The following RGS7 variants were observed in gnomAD, a reference collection of about 807,000 sequenced individuals.
RGS7 encodes regulator of G protein signaling 7, also known as regulator of G-protein signaling 7.
A neutral mutation model predicts 81.1 loss-of-function variants in RGS7; 27 were observed. That is an observed-to-expected ratio of 0.33 (90% CI 0.25 to 0.46). RGS7 has a LOEUF of 0.46. Among genes scored for constraint, RGS7 ranks in the 20% least tolerant of loss-of-function variants. RGS7 has a pLI of 1.00. For synonymous variants in RGS7, 208 were observed against 207.7 expected (o/e 1.00, Z -0.01); for missense variants, 396 against 607.4 (o/e 0.65, Z 3.66).
At chr1:240,960,232 T>TTTTTTTTG (rs71172665) in intron 4 of RGS7, among the ~76,000 whole-genome samples, 6 of 70,234 alleles carry the variant, frequency 8.5e-5, no homozygotes, top group African/African-American at 2.2e-4. Context: ...TTTTTTTTTT[T>TTTTTTTTG]TTGTTGTTGT....
intron 3 of RGS7, among the ~76,000 whole-genome samples, chr1:241,044,103 G>T (rs1413352622): frequency 6.1e-4 from 86 of 140,876 alleles, no homozygotes; most frequent in African/African-American, 9.3e-4. Context: ...CTTTCTTTTT[G>T]TTTTTTTTGT....
chr1:240,934,481 TG>T (rs1254916871), intron 5 of RGS7, among the ~76,000 whole-genome samples: 1 of 152,212 alleles, frequency 6.6e-6, no homozygotes, highest in Non-Finnish European at 1.5e-5. Context: ...TCTTCAAATA[TG>T]GACTGGTTAA....
chr1:241,301,577 G>A (rs190517662), intron 2 of RGS7, among the ~76,000 whole-genome samples: 1 of 152,320 alleles, frequency 6.6e-6, no homozygotes, highest in African/African-American at 2.4e-5. Flanking sequence ...TGGGGAAATG[G>A]AGTGAGAGAC....
At chr1:241,327,219 T>C (rs2081655998) in intron 2 of RGS7, among the ~76,000 whole-genome samples, 1 of 151,952 alleles carries the variant, frequency 6.6e-6, no homozygotes, top group African/African-American at 2.4e-5. Context: ...GAAATTAGAA[T>C]ACCTGCCATG....
At chr1:241,170,028 C>T (rs888137182) in intron 2 of RGS7, among the ~76,000 whole-genome samples, 3 of 151,818 alleles carry the variant, frequency 2.0e-5, no homozygotes, top group East Asian at 3.9e-4. Flanking sequence ...GGATAGCTAC[C>T]CTGGGCTCCC....
intron 2 of RGS7, among the ~76,000 whole-genome samples, chr1:241,133,964 C>A (rs1277425815): frequency 6.6e-6 from 1 of 152,032 alleles, no homozygotes; most frequent in African/African-American, 2.4e-5. Context: ...GAAAGGGAGA[C>A]AGAGAATGAA....
chr1:241,317,212 T>C (rs1193744415), intron 2 of RGS7, among the ~76,000 whole-genome samples: 1 of 152,212 alleles, frequency 6.6e-6, no homozygotes, highest in East Asian at 1.9e-4. Flanking sequence ...CACAGATAAT[T>C]GTAAATGGAG....
chr1:241,154,548 G>T (rs2068977824), intron 2 of RGS7, among the ~76,000 whole-genome samples: 1 of 152,258 alleles, frequency 6.6e-6, no homozygotes, highest in Non-Finnish European at 1.5e-5. Context: ...AGAAGGCGAA[G>T]TGATTAGAAC....
At chr1:241,074,496 C>T (rs1172991894) in intron 3 of RGS7, among the ~76,000 whole-genome samples, 1 of 152,220 alleles carries the variant, frequency 6.6e-6, no homozygotes, top group African/African-American at 2.4e-5. Context: ...GCTTCAGGTA[C>T]AGCTGGAGCC....
chr1:240,840,000 C>T (rs1391066365), intron 9 of RGS7, among the ~76,000 whole-genome samples: 1 of 152,128 alleles, frequency 6.6e-6, no homozygotes, highest in Non-Finnish European at 1.5e-5. Flanking sequence ...ACACCCCGAA[C>T]CTACTGGCTT....
intron 9 of RGS7, among the ~76,000 whole-genome samples, chr1:240,866,164 G>A (rs1275040603): frequency 3.9e-5 from 6 of 152,168 alleles, no homozygotes; most frequent in Admixed American, 2.0e-4. Context: ...GGTTTTAGGC[G>A]AACGCCATTC....
chr1:240,976,935 T>C (rs1220528195), intron 4 of RGS7, among the ~76,000 whole-genome samples: 4 of 151,866 alleles, frequency 2.6e-5, no homozygotes, highest in African/African-American at 9.7e-5. Flanking sequence ...ATCTATCATC[T>C]ATCTATCTAT....
In RGS7 at chr1:241,169,697, T is replaced by G. The variant is rs181015264; in HGVS notation, c.79-70935A>C. On this transcript the variant is annotated intron_variant, in intron 2 of 18. Transcript: ENST00000440928. Reference sequence around the variant, plus strand: ...GAAAACAGAATATTGCTACTTTGACTTTACTGATGGCTAGTATAAGATGAG... The same window carrying G: ...GAAAACAGAATATTGCTACTTTGACGTTACTGATGGCTAGTATAAGATGAG... 4.5e-3 allele frequency among the ~76,000 whole-genome samples: 691 copies of G among 152,290 alleles called. 3 individuals are homozygous for G. Among genetic ancestry groups the G allele is most frequent in the Middle Eastern group, 0.021 (6 of 292 alleles).
rs79070674 is a variant in RGS7 at position 241,240,801 on chromosome 1, C to T, written c.78+114898G>A. 3.6e-3 allele frequency among the ~76,000 whole-genome samples: 551 copies of T among 152,098 alleles called. 5 individuals carry two copies. The highest frequency in any genetic ancestry group is 0.012 in the African/African-American group (510 of 41,486). On this transcript the variant is annotated intron_variant, in intron 2 of 18. Transcript: ENST00000440928. ...TTATAACATTAAAAATATAGGTAAACGGCTAGGATCGGGGAGCAAATATTA... is the reference window on the plus strand; with the variant it reads ...TTATAACATTAAAAATATAGGTAAATGGCTAGGATCGGGGAGCAAATATTA...
chr1:240,834,957 A>AC (rs1279909086), intron 9 of RGS7, among the ~76,000 whole-genome samples: 10 of 132,806 alleles, frequency 7.5e-5, no homozygotes, highest in Admixed American at 2.2e-4. Flanking sequence ...CACACACACA[A>AC]ACTCAAAATG....
chr1:241,278,977 A>G (rs1450220954), intron 2 of RGS7, among the ~76,000 whole-genome samples: 1 of 152,162 alleles, frequency 6.6e-6, no homozygotes, highest in Non-Finnish European at 1.5e-5. Context: ...AGGAACACAT[A>G]CCCACAACTA....
intron 6 of RGS7, among the ~76,000 whole-genome samples, chr1:240,878,134 C>T (rs1171789755): frequency 1.3e-5 from 2 of 152,158 alleles, no homozygotes; most frequent in Non-Finnish European, 2.9e-5. Context: ...CTCTGGAGAG[C>T]CCTACCCCAG....
intron 2 of RGS7, among the ~76,000 whole-genome samples, chr1:241,183,646 A>C (rs1017188063): frequency 1.3e-5 from 2 of 152,220 alleles, no homozygotes; most frequent in Admixed American, 1.3e-4. Flanking sequence ...TATACTATAG[A>C]GAAGAGACAT....
intron 2 of RGS7, among the ~76,000 whole-genome samples, chr1:241,135,226 A>G (rs1572843742): frequency 2.0e-5 from 3 of 152,278 alleles, no homozygotes; most frequent in Admixed American, 2.0e-4. Context: ...GGAGATGGAG[A>G]CCATCCTGGC....
Sources: allele counts gnomAD v4.1 joint callset (sites outside exome capture counted in the v4.1 genomes callset), GRCh38; gene constraint gnomAD v4.1.1; transcripts MANE v1.5; gene names NCBI Gene and HGNC (gene_info 2026-07-23, HGNC 2026-07-21).